LHFPL3: variants seen among roughly 807,000 people sequenced by gnomAD.
The protein encoded by LHFPL3 is LHFPL tetraspan subfamily member 3.
LHFPL3 carries 5 observed loss-of-function variants against 19.3 expected under a neutral mutation model. The observed-to-expected ratio is 0.26, with a 90% CI of 0.14 to 0.54. LHFPL3 has a LOEUF of 0.54. LHFPL3 is among the 20% of genes least tolerant of loss of function. The probability of loss-of-function intolerance (pLI) is 0.94; values close to 1 mark genes in which losing one functional copy is unlikely to be tolerated. For synonymous variants in LHFPL3, 133 were observed against 126.2 expected (o/e 1.05, Z -0.36); for missense variants, 249 against 307.4 (o/e 0.81, Z 1.42).
At chr7:104,594,574 T>G (rs6466001) in intron 1 of LHFPL3, among the ~76,000 whole-genome samples, 147,976 of 152,168 alleles carry the variant, frequency 0.97, 72,058 homozygotes, top group East Asian at 1. Context: ...CTGAATTTGA[T>G]TGTTGGCCTG....
intron 1 of LHFPL3, among the ~76,000 whole-genome samples, chr7:104,686,684 TC>T (rs2116113996): frequency 6.6e-6 from 1 of 152,248 alleles, no homozygotes; most frequent in South Asian, 2.1e-4. Context: ...CAATCACAAG[TC>T]CCAAGTTGAG....
intron 1 of LHFPL3, among the ~76,000 whole-genome samples, chr7:104,469,726 T>C (rs1792868323): frequency 6.6e-6 from 1 of 152,186 alleles, no homozygotes; most frequent in Admixed American, 6.5e-5. Flanking sequence ...AATAGGAAAT[T>C]TTGTTTCTGG....
intron 1 of LHFPL3, among the ~76,000 whole-genome samples, chr7:104,637,309 ATT>A (rs1217609052): frequency 6.6e-6 from 1 of 152,048 alleles, no homozygotes; most frequent in East Asian, 1.9e-4. Context: ...GTTTGCAAAG[ATT>A]TTCTACCATT....
At chr7:104,391,593 T>A (rs1211851700) in intron 1 of LHFPL3, among the ~76,000 whole-genome samples, 1 of 152,188 alleles carries the variant, frequency 6.6e-6, no homozygotes, top group East Asian at 1.9e-4. Flanking sequence ...TGTAGCCTTG[T>A]AGTATAGTTT....
intron 1 of LHFPL3, among the ~76,000 whole-genome samples, chr7:104,555,817 G>A (rs1209255333): frequency 2.6e-5 from 4 of 152,092 alleles, no homozygotes; most frequent in East Asian, 1.9e-4. Context: ...TTCCACCTAT[G>A]AGCCTGTAAA....
At chr7:104,501,147 T>C (rs553025207) in intron 1 of LHFPL3, among the ~76,000 whole-genome samples, 3 of 152,294 alleles carry the variant, frequency 2.0e-5, no homozygotes, top group African/African-American at 7.2e-5. Context: ...AAGGAAAGAA[T>C]AAAGGAAGGA....
chr7:104,614,657 T>TCTTCTCTTCTC (rs756087377), intron 1 of LHFPL3, among the ~76,000 whole-genome samples: 85 of 82,438 alleles, frequency 1.0e-3, no homozygotes, highest in Admixed American at 1.8e-3. Flanking sequence ...TCTTCTCTCC[T>TCTTCTCTTCTC]TCCTTCCTTC....
rs185852839 is a variant in LHFPL3, at chr7:104,429,592, A to G, written c.445+100368A>G. On this transcript the variant is annotated intron_variant, in intron 1 of 2. Transcript: ENST00000424859. Reference sequence around the variant, plus strand: ...CAGCCTCCCAAAATGCTGGGATTACAGGCATGAGCCACTGCACCTGGCTTA... The same window carrying G: ...CAGCCTCCCAAAATGCTGGGATTACGGGCATGAGCCACTGCACCTGGCTTA... 7.4e-4 allele frequency among the ~76,000 whole-genome samples: 113 copies of G among 152,060 alleles called. 1 individual carries two copies. The East Asian group carries it at 0.02, about 27-fold the overall frequency.
At chr7:104,765,050 G>A (rs1794432743) in intron 2 of LHFPL3, among the ~76,000 whole-genome samples, 1 of 152,170 alleles carries the variant, frequency 6.6e-6, no homozygotes, top group Non-Finnish European at 1.5e-5. Context: ...CATCAGATCT[G>A]ATACATCAAA....
chr7:104,689,472 A>G (rs1179207700), intron 1 of LHFPL3, among the ~76,000 whole-genome samples: 2 of 152,216 alleles, frequency 1.3e-5, no homozygotes, highest in Non-Finnish European at 2.9e-5. Context: ...AATTTGAATT[A>G]TAAAAATAGA....
At chr7:104,868,765 C>CA (rs1791777820) in intron 2 of LHFPL3, among the ~76,000 whole-genome samples, 1 of 152,142 alleles carries the variant, frequency 6.6e-6, no homozygotes, top group South Asian at 2.1e-4. Context: ...CCCGCATTGC[C>CA]AAGTCAATCC....
intron 1 of LHFPL3, among the ~76,000 whole-genome samples, chr7:104,494,831 C>G (rs1454693302): frequency 6.6e-6 from 1 of 152,138 alleles, no homozygotes. Flanking sequence ...GGTGTTGCAG[C>G]AGCACCATGG....
intron 2 of LHFPL3, among the ~76,000 whole-genome samples, chr7:104,781,364 T>G (rs79119780): frequency 0.08 from 12,202 of 152,056 alleles, 564 homozygotes; most frequent in South Asian, 0.11. Context: ...TCTTCCTCTA[T>G]CTCATCATTT....
At chr7:104,658,751 C>G (rs912514009) in intron 1 of LHFPL3, among the ~76,000 whole-genome samples, 4 of 152,166 alleles carry the variant, frequency 2.6e-5, no homozygotes, top group African/African-American at 9.7e-5. Flanking sequence ...GATCACGCCA[C>G]TGCACTCTAG....
In LHFPL3 at chr7:104,733,216, G is replaced by T. The variant is rs886276996; in HGVS notation, c.446-3459G>T. On this transcript the variant is annotated intron_variant, in intron 1 of 2. Coordinates refer to ENST00000424859, the MANE Select transcript of LHFPL3 (RefSeq NM_199000.3). ...GTATATGCTGTTGATTTGGGGTGGA[G>T]AGTTCTGTAGATGTCTATTAGGTCT... Among the ~76,000 whole-genome samples the T allele has an allele frequency of 9.2e-5, 14 of 152,350 alleles. 1 individual carries two copies. Among genetic ancestry groups the T allele is most frequent in the African/African-American group, 3.1e-4 (13 of 41,586 alleles).
At chr7:104,714,858 G>A (rs1348153382) in intron 1 of LHFPL3, among the ~76,000 whole-genome samples, 7 of 152,174 alleles carry the variant, frequency 4.6e-5, no homozygotes, top group African/African-American at 1.7e-4. Context: ...ACAGGACTGG[G>A]TGCAGAGGGA....
intron 1 of LHFPL3, among the ~76,000 whole-genome samples, chr7:104,347,664 G>A (rs1049270991): frequency 6.6e-6 from 1 of 152,176 alleles, no homozygotes; most frequent in African/African-American, 2.4e-5. Flanking sequence ...GGCCAAGGCG[G>A]GTGGATCACC....
At chr7:104,670,856 G>GTTT (rs1262265309) in intron 1 of LHFPL3, among the ~76,000 whole-genome samples, 1 of 133,584 alleles carries the variant, frequency 7.5e-6, no homozygotes, top group African/African-American at 2.6e-5. Context: ...AGACCAATGT[G>GTTT]TTTTGTTTTG....
chr7:104,439,572 T>G (rs940559891), intron 1 of LHFPL3, among the ~76,000 whole-genome samples: 6 of 152,130 alleles, frequency 3.9e-5, no homozygotes, highest in Non-Finnish European at 8.8e-5. Context: ...GCCATAAGAT[T>G]ATCAAATACC....
Sources: gnomAD v4.1 joint callset for allele counts (sites outside exome capture counted in the v4.1 genomes callset) on GRCh38, gnomAD v4.1.1 for gene constraint, MANE v1.5 for transcripts, NCBI Gene and HGNC (gene_info 2026-07-23, HGNC 2026-07-21) for gene names.